Variants in PRKN observed in about 807,000 individuals in gnomAD.
PRKN encodes the protein parkin RBR E3 ubiquitin protein ligase, also known as E3 ubiquitin-protein ligase parkin.
Under a neutral mutation model 59.5 loss-of-function variants are expected in PRKN, and 56 were observed. The ratio of observed to expected loss-of-function variants is 0.94; its 90% CI spans 0.76 to 1.18. The LOEUF is 1.18. Ranked by LOEUF, PRKN falls within the 50% of genes most tolerant of loss-of-function variation. The pLI, the probability that PRKN is intolerant of heterozygous loss-of-function variation, is 0.00. For missense variants in PRKN, 657 were observed against 596.4 expected, an observed-to-expected ratio of 1.10 and a Z score of -1.06; for synonymous variants, 250 against 222.1, an observed-to-expected ratio of 1.13 and a Z score of -1.12.
Position 161,354,601 on chromosome 6 carries a change from C to T in PRKN, c.1286-4390G>A, listed in dbSNP as rs781610408. Among the ~76,000 whole-genome samples the T allele has an allele frequency of 1.1e-4, 16 of 152,112 alleles. No homozygotes were observed. The highest frequency in any genetic ancestry group is 1.8e-4 in the Non-Finnish European group (12 of 68,026). On this transcript the variant is annotated intron_variant, in intron 11 of 11. Transcript: ENST00000366898. This position sits in a 1 kb window ranked among gnomAD's most constrained non-coding sequence, Gnocchi z 6.7. Reference sequence around the variant, plus strand: ...AGAAAGTACCAGGGTTTAGCCTGTGCTTAAAATGGAAATTCCTCGCATTCT... The same window carrying T: ...AGAAAGTACCAGGGTTTAGCCTGTGTTTAAAATGGAAATTCCTCGCATTCT...
intron 6 of PRKN, among the ~76,000 whole-genome samples, chr6:161,915,113 C>T (rs1204886552): frequency 3.9e-5 from 6 of 152,048 alleles, no homozygotes; most frequent in East Asian, 1.9e-4. Context: ...GGTGAAACCC[C>T]GTCTCTACTA....
intron 1 of PRKN, among the ~76,000 whole-genome samples, chr6:162,587,163 G>A (rs1181863761): frequency 1.3e-5 from 2 of 152,124 alleles, no homozygotes; most frequent in East Asian, 3.8e-4. Flanking sequence ...TTGAGATGGA[G>A]TCTCACTCTG....
At chr6:161,586,138 C>T (rs761382743) in intron 7 of PRKN, among the ~76,000 whole-genome samples, 1 of 152,154 alleles carries the variant, frequency 6.6e-6, no homozygotes, top group Non-Finnish European at 1.5e-5. Flanking sequence ...GCTTCAGCCT[C>T]CAGAGTAGCT....
At chr6:161,490,308 TCTTGCTTGCTTG>T (rs111399768) in intron 9 of PRKN, among the ~76,000 whole-genome samples, 59,316 of 143,160 alleles carry the variant, frequency 0.41, 15,046 homozygotes, top group Middle Eastern at 0.58. Flanking sequence ...TACTTTTCTT[TCTTGCTTGCTTG>T]CTTGCTTGCT....
intron 5 of PRKN, among the ~76,000 whole-genome samples, chr6:161,992,343 A>G (rs1179801196): frequency 1.3e-5 from 2 of 152,140 alleles, no homozygotes; most frequent in Non-Finnish European, 2.9e-5. Context: ...CTGTCTTTAA[A>G]AAAGAGAGAG....
intron 2 of PRKN, among the ~76,000 whole-genome samples, chr6:162,385,250 A>T (rs750343117): frequency 7.9e-5 from 12 of 152,182 alleles, no homozygotes; most frequent in Non-Finnish European, 1.5e-5. Context: ...ATGCCACTTC[A>T]CCCAGATAAC....
intron 1 of PRKN, among the ~76,000 whole-genome samples, chr6:162,687,121 G>A (rs1777594394): frequency 6.6e-6 from 1 of 151,696 alleles, no homozygotes; most frequent in Non-Finnish European, 1.5e-5. Flanking sequence ...ACTGCTTTCG[G>A]CAGGATGGTC....
At chr6:162,101,258 G>A (rs1238329628) in intron 4 of PRKN, among the ~76,000 whole-genome samples, 1 of 151,586 alleles carries the variant, frequency 6.6e-6, no homozygotes, top group African/African-American at 2.4e-5. Flanking sequence ...TTTTGTATAT[G>A]AGGTCAGATA....
At chr6:162,553,872 G>C (rs10945840) in intron 1 of PRKN, among the ~76,000 whole-genome samples, 11,126 of 82,646 alleles carry the variant, frequency 0.13, 2,596 homozygotes, top group East Asian at 0.35. Context: ...TGGGGAAAAG[G>C]CAGCTGAAAG....
chr6:161,851,889 C>A (rs2128222614), intron 6 of PRKN, among the ~76,000 whole-genome samples: 1 of 151,422 alleles, frequency 6.6e-6, no homozygotes, highest in African/African-American at 2.4e-5. Context: ...GAGTTTGAGA[C>A]CAGCCTGGCC....
intron 9 of PRKN, among the ~76,000 whole-genome samples, chr6:161,536,461 G>A (rs1329215062): frequency 1.3e-5 from 2 of 152,168 alleles, no homozygotes; most frequent in African/African-American, 2.4e-5. Context: ...GAGAAAGGGG[G>A]AGATGGCCGT....
chr6:161,909,977 T>C (rs1009920905), intron 6 of PRKN, among the ~76,000 whole-genome samples: 5 of 152,056 alleles, frequency 3.3e-5, no homozygotes, highest in Admixed American at 2.6e-4. Flanking sequence ...TCATGATTCA[T>C]GGGAGGAGAT....
intron 7 of PRKN, among the ~76,000 whole-genome samples, chr6:161,657,981 A>C (rs1023692746): frequency 7.0e-6 from 1 of 143,416 alleles, no homozygotes; most frequent in Non-Finnish European, 1.5e-5. Flanking sequence ...GCCCCATTGC[A>C]CTCCAGCCTG....
chr6:162,072,109 TTG>T (rs1487456540), intron 4 of PRKN, among the ~76,000 whole-genome samples: 3 of 152,198 alleles, frequency 2.0e-5, no homozygotes, highest in Non-Finnish European at 4.4e-5. Flanking sequence ...AAAGAGACTT[TTG>T]CACGTCAGGA....
chr6:162,622,696 T>C (rs1374034237), intron 1 of PRKN, among the ~76,000 whole-genome samples: 1 of 152,186 alleles, frequency 6.6e-6, no homozygotes, highest in Non-Finnish European at 1.5e-5. Context: ...GGGTAATTCA[T>C]ATTGTTTCAT....
intron 4 of PRKN, among the ~76,000 whole-genome samples, chr6:162,185,185 T>C (rs544998119): frequency 4.6e-5 from 7 of 152,300 alleles, no homozygotes; most frequent in African/African-American, 1.4e-4. Context: ...GTTATGGATA[T>C]TTTTTCTAAA....
At chr6:162,362,140 T>C (rs1231402095) in intron 2 of PRKN, among the ~76,000 whole-genome samples, 2 of 152,226 alleles carry the variant, frequency 1.3e-5, no homozygotes, top group East Asian at 3.8e-4. Flanking sequence ...TATAAAATTA[T>C]GGTTCAGTAG....
chr6:162,527,214 C>A (rs2803078), intron 1 of PRKN, among the ~76,000 whole-genome samples: 52,928 of 151,656 alleles, frequency 0.35, 11,011 homozygotes, highest in Middle Eastern at 0.51. Context: ...TGTTTCTGAT[C>A]TGAAACCGGG....
At chr6:162,202,849 A>G (rs1004836201) in intron 3 of PRKN, among the ~76,000 whole-genome samples, 7 of 152,336 alleles carry the variant, frequency 4.6e-5, no homozygotes, top group Middle Eastern at 3.4e-3. Flanking sequence ...TCTGACGTGC[A>G]CTAAGAAGTG....
Sources: allele counts gnomAD v4.1 joint callset (sites outside exome capture counted in the v4.1 genomes callset), GRCh38; gene constraint gnomAD v4.1.1; non-coding constraint Gnocchi (gnomAD v3.1); transcripts MANE v1.5; gene names NCBI Gene and HGNC (gene_info 2026-07-23, HGNC 2026-07-21).